Variants in APBB2 observed in about 807,000 individuals in gnomAD.
The protein encoded by APBB2 is amyloid beta precursor protein binding family B member 2, also known as Fe65-like 1.
Under a neutral mutation model 82.5 loss-of-function variants are expected in APBB2, and 38 were observed. That is an observed-to-expected ratio of 0.46 (90% CI 0.36 to 0.60). APBB2 has a LOEUF of 0.60. Among genes scored for constraint, APBB2 ranks in the 20% least tolerant of loss-of-function variants. APBB2 has a pLI of 0.00. For synonymous variants in APBB2, 341 were observed against 368.2 expected, an observed-to-expected ratio of 0.93 and a Z score of 0.85; for missense variants, 772 against 972.3, an observed-to-expected ratio of 0.79 and a Z score of 2.74.
At chr4:40,894,282 T>C (rs116750657) in intron 10 of APBB2, among the ~76,000 whole-genome samples, 2,349 of 149,602 alleles carry the variant, frequency 0.016, 32 homozygotes, top group Non-Finnish European at 0.024. Context: ...AGAACGAGAC[T>C]CCGTCTCAAA....
At chr4:41,005,662 G>A (rs111515445) in intron 6 of APBB2, among the ~76,000 whole-genome samples, 6 of 152,062 alleles carry the variant, frequency 3.9e-5, no homozygotes, top group African/African-American at 1.4e-4. Context: ...ACTGTCCACA[G>A]GACCCTCTCC....
intron 5 of APBB2, among the ~76,000 whole-genome samples, chr4:41,032,452 G>A (rs1169940169): frequency 6.6e-6 from 1 of 151,256 alleles, no homozygotes; most frequent in African/African-American, 2.4e-5. Flanking sequence ...TTTTCCTAAG[G>A]CCTGAAATTA....
chr4:41,185,583 T>C (rs1157250983), intron 1 of APBB2, among the ~76,000 whole-genome samples: 1 of 152,256 alleles, frequency 6.6e-6, no homozygotes, highest in African/African-American at 2.4e-5. Context: ...TCTTCTTTAT[T>C]GACTATGTCA....
chr4:41,024,503 A>G (rs761621379), intron 5 of APBB2, among the ~76,000 whole-genome samples: 3 of 152,234 alleles, frequency 2.0e-5, no homozygotes, highest in Non-Finnish European at 2.9e-5. Context: ...TAAAAAGAGA[A>G]AAACAAGCCT....
chr4:41,179,836 TTAATA>T (rs1770843872), intron 1 of APBB2, among the ~76,000 whole-genome samples: 1 of 152,020 alleles, frequency 6.6e-6, no homozygotes, highest in Non-Finnish European at 1.5e-5. Context: ...CTACAAAGGG[TTAATA>T]ACACTAGATT....
In APBB2 at chr4:40,944,882, G is replaced by A; in HGVS notation, c.1027C>T (p.Pro343Ser). Residue 343 changes from proline (P) to serine (S), a missense_variant, in exon 7 of 18, where the codon CCC becomes TCC. Transcript: ENST00000508593. ...KGSLSSVTPS[P>S]TPENEKQPWS... ...CGTTTTACCTCGTTCTCTGGGGTGG[G>A]AGATGGCGTTACAGAACTAAGTGAC... The A allele has an allele frequency of 1.9e-6, 3 of 1,612,964 alleles. No individual in the cohort carries two copies. The highest frequency in any genetic ancestry group is 2.7e-5 in the African/African-American group (2 of 74,994).
chr4:41,044,002 A>T (rs1560599705), intron 4 of APBB2, among the ~76,000 whole-genome samples: 1 of 152,166 alleles, frequency 6.6e-6, no homozygotes, highest in Non-Finnish European at 1.5e-5. Context: ...TGGTGGTATG[A>T]TCTTTCATCA....
intron 6 of APBB2, among the ~76,000 whole-genome samples, chr4:40,978,967 T>C (rs1409138968): frequency 6.6e-6 from 1 of 152,062 alleles, no homozygotes; most frequent in African/African-American, 2.4e-5. Flanking sequence ...ACAGGAAAAG[T>C]AATGATAGAA....
At chr4:41,027,219 C>T (rs1345767143) in intron 5 of APBB2, among the ~76,000 whole-genome samples, 1 of 147,546 alleles carries the variant, frequency 6.8e-6, no homozygotes, top group Non-Finnish European at 1.5e-5. Context: ...GTGCAGTGAG[C>T]AGCAGGACCT....
At chr4:40,873,244 T>C (rs1318952413) in intron 12 of APBB2, among the ~76,000 whole-genome samples, 1 of 152,172 alleles carries the variant, frequency 6.6e-6, no homozygotes, top group East Asian at 1.9e-4. Context: ...GACCCAAGAT[T>C]TGACAACTTA....
At chr4:40,845,165 A>G (rs1757103278) in intron 12 of APBB2, among the ~76,000 whole-genome samples, 2 of 152,258 alleles carry the variant, frequency 1.3e-5, no homozygotes, top group Admixed American at 6.5e-5. Context: ...AGTGAAAACC[A>G]GCCATAAATA....
intron 11 of APBB2, chr4:40,892,264 T>C (rs1578232839): frequency 6.6e-6 from 1 of 152,396 alleles, no homozygotes; most frequent in East Asian, 1.9e-4. Flanking sequence ...CTTGGGTATT[T>C]GGATGGGAGA....
intron 3 of APBB2, among the ~76,000 whole-genome samples, chr4:41,095,696 C>T (rs149622227): frequency 2.6e-5 from 4 of 152,318 alleles, no homozygotes; most frequent in Non-Finnish European, 4.4e-5. Context: ...TAAGTCCTCC[C>T]ATCTGCTGCT....
At chr4:40,969,864 G>A (rs894970071) in intron 6 of APBB2, among the ~76,000 whole-genome samples, 2 of 152,224 alleles carry the variant, frequency 1.3e-5, no homozygotes, top group Admixed American at 1.3e-4. Context: ...ATCCCTTTAA[G>A]TAATAGAATC....
At chr4:41,051,130 A>T (rs1490692219) in intron 4 of APBB2, among the ~76,000 whole-genome samples, 1 of 152,138 alleles carries the variant, frequency 6.6e-6, no homozygotes, top group South Asian at 2.1e-4. Flanking sequence ...GGAAGCTAAA[A>T]CAAAGGCGGG....
rs1389807418 is a variant in APBB2, at chr4:40,992,678, C to T, written c.835+20905G>A. On this transcript the variant is annotated intron_variant, in intron 6 of 17. Transcript: ENST00000508593. ...AAACGCTGGTAACCCCTGGAAGTAA[C>T]GCGGGAAGTATGAAGCCAGCGAGCA... Among the ~76,000 whole-genome samples the T allele has an allele frequency of 4.6e-5, 7 of 152,080 alleles. No homozygotes were observed. In the East Asian group the frequency reaches 5.8e-4, roughly 13 times the overall value.
At chr4:41,209,294 A>G (rs1439442442) in intron 1 of APBB2, among the ~76,000 whole-genome samples, 1 of 152,130 alleles carries the variant, frequency 6.6e-6, no homozygotes, top group East Asian at 1.9e-4. Context: ...AAAACACCAA[A>G]TGGGATTGGT....
intron 12 of APBB2, among the ~76,000 whole-genome samples, chr4:40,840,637 G>A (rs369239964): frequency 2.6e-5 from 4 of 152,098 alleles, no homozygotes; most frequent in African/African-American, 9.7e-5. Context: ...TTTAGCCTCC[G>A]AAAGGAGTAT....
chr4:41,164,091 G>A (rs190160242), intron 1 of APBB2, among the ~76,000 whole-genome samples: 67 of 152,330 alleles, frequency 4.4e-4, no homozygotes, highest in Non-Finnish European at 7.6e-4. Flanking sequence ...GTATCTTGGA[G>A]ATGGAGCCCA....
Sources: gnomAD v4.1 joint callset for allele counts (sites outside exome capture counted in the v4.1 genomes callset) on GRCh38, gnomAD v4.1.1 for gene constraint, MANE v1.5 for transcripts, NCBI Gene and HGNC (gene_info 2026-07-23, HGNC 2026-07-21) for gene names.